The following ABLIM2 variants were observed in gnomAD, a reference collection of about 807,000 sequenced individuals.
The protein encoded by ABLIM2 is actin-binding LIM protein 2.
A neutral mutation model predicts 97.7 loss-of-function variants in ABLIM2; 53 were observed. The ratio of observed to expected loss-of-function variants is 0.54; its 90% CI spans 0.44 to 0.68. The LOEUF (loss-of-function observed/expected upper bound fraction) is 0.68. Among genes scored for constraint, ABLIM2 ranks in the 30% least tolerant of loss-of-function variants. The probability of loss-of-function intolerance (pLI) is 0.00; values close to 1 mark genes in which losing one functional copy is unlikely to be tolerated. For missense variants in ABLIM2, 835 were observed against 867.2 expected (o/e 0.96, Z 0.47); for synonymous variants, 361 against 345.8 (o/e 1.04, Z -0.49).
chr4:8,080,603 T>C (rs1819167813), intron 5 of ABLIM2, 73 bp downstream of exon 5: 1 of 1,447,946 alleles, frequency 6.9e-7, no homozygotes, highest in Admixed American at 2.4e-5. Flanking sequence ...TGGGGACACG[T>C]GCAGAGTGTG....
chr4:8,071,856 C>G lies in ABLIM2; in HGVS notation c.675+5772G>C. The stretch of plus-strand genomic sequence containing the variant: ...GAACGTGTGCCTGCGAGGGTGGACA[C>G]CCTCACCTTCAGCCAACAGTCTGTC... On this transcript the variant is annotated intron_variant, in intron 6 of 20. Coordinates refer to ENST00000447017, the MANE Select transcript of ABLIM2 (RefSeq NM_001130083.2). This position sits in a 1 kb window ranked among gnomAD's most constrained non-coding sequence, Gnocchi z 6.2. 1 of 985,460 alleles carries G rather than the reference C, an allele frequency of 1.0e-6. No individual in the cohort carries two copies. The highest frequency in any genetic ancestry group is 1.7e-5 in the African/African-American group (1 of 57,338). 61.0% of individuals were successfully genotyped at this position (985,460 alleles called of 1,614,324 possible).
In ABLIM2 at chr4:7,973,043, C is replaced by G. The variant is rs182797678; in HGVS notation, c.1825-5940G>C. Among the ~76,000 whole-genome samples the G allele has an allele frequency of 1.6e-3, 238 of 147,028 alleles. 2 individuals carry two copies. Among genetic ancestry groups the G allele is most frequent in the African/African-American group, 5.6e-3 (225 of 39,900 alleles). On this transcript the variant is annotated intron_variant, in intron 20 of 20. Coordinates refer to ENST00000447017, the MANE Select transcript of ABLIM2 (RefSeq NM_001130083.2). Reference sequence around the variant, plus strand: ...CCTGGAAGACGACAGTTCAAGAAACCACAGGACTCCAGCAATGAGCTGCTC... The same window carrying G: ...CCTGGAAGACGACAGTTCAAGAAACGACAGGACTCCAGCAATGAGCTGCTC...
chr4:8,037,405 A>G (rs1167764738), intron 9 of ABLIM2, among the ~76,000 whole-genome samples: 1 of 151,954 alleles, frequency 6.6e-6, no homozygotes, highest in Non-Finnish European at 1.5e-5. Flanking sequence ...CACACAGAGA[A>G]CATGCCTGTC....
In ABLIM2 at chr4:8,158,661, C is replaced by T; in HGVS notation, c.10+19G>A. 1 of 1,503,926 alleles carries T rather than the reference C, an allele frequency of 6.6e-7. No homozygotes were observed. 93.2% of individuals were successfully genotyped at this position (1,503,926 alleles called of 1,614,324 possible). Reference sequence around the variant, plus strand: ...AGCCAGCGCGGGGACCCGTTGGTCCCTCGGTCCCCAGCACCCACCTGCACT... The same window carrying T: ...AGCCAGCGCGGGGACCCGTTGGTCCTTCGGTCCCCAGCACCCACCTGCACT... On this transcript the variant is annotated intron_variant, in intron 1 of 20. Transcript: ENST00000447017.
At chr4:8,097,032 G>A in intron 3 of ABLIM2, 67 bp downstream of exon 3, 1 of 1,505,254 alleles carries the variant, frequency 6.6e-7, no homozygotes. Context: ...AGAAGGGAAG[G>A]GAGGGAGGGA....
intron 17 of ABLIM2, among the ~76,000 whole-genome samples, chr4:7,991,740 A>G (rs1158431672): frequency 4.6e-5 from 7 of 152,168 alleles, no homozygotes; most frequent in Non-Finnish European, 1.0e-4. Flanking sequence ...AACCATGCAG[A>G]GGTGCCTGGG....
intron 1 of ABLIM2, among the ~76,000 whole-genome samples, chr4:8,146,254 A>G (rs1851782548): frequency 6.6e-6 from 1 of 152,214 alleles, no homozygotes; most frequent in Admixed American, 6.5e-5. Context: ...TTTGGTGGTC[A>G]AAATCCTTTC....
Position 8,060,986 on chromosome 4 carries a change from G to A in ABLIM2, c.744C>T (p.Gly248=), listed in dbSNP as rs781450672. The part of the protein sequence containing the change: ...CVRCGQMFAE[G]EEMYLQGSSI... ...TTGTACCTTGAAGATACATCTCTTCGCCTTCTGCAAACATCTGGCCGCACC... is the reference window on the plus strand; with the variant it reads ...TTGTACCTTGAAGATACATCTCTTCACCTTCTGCAAACATCTGGCCGCACC... The change falls in exon 7 of 21, where the codon GGC becomes GGT. Residue 248 remains glycine, a synonymous_variant. Coordinates refer to ENST00000447017, the MANE Select transcript of ABLIM2 (RefSeq NM_001130083.2). 2.5e-6 allele frequency: 4 copies of A among 1,594,870 alleles called. No homozygotes were observed. The highest frequency in any genetic ancestry group is 3.4e-6 in the Non-Finnish European group (4 of 1,170,642).
rs1346408054 is a variant in ABLIM2 at position 8,106,640 on chromosome 4, G to A, written c.11-3C>T. 14 of 1,603,938 alleles carry A rather than the reference G, an allele frequency of 8.7e-6. No homozygotes were observed. The highest frequency in any genetic ancestry group is 1.1e-5 in the Non-Finnish European group (13 of 1,175,064). ...GGGAGCAGCCTGGGGCTGCGACACTGTTGGGAAAGAGAGAAGAGCAGCGTT... is the reference window on the plus strand; with the variant it reads ...GGGAGCAGCCTGGGGCTGCGACACTATTGGGAAAGAGAGAAGAGCAGCGTT... On this transcript the variant is annotated splice_polypyrimidine_tract_variant and splice_region_variant and intron_variant, in intron 1 of 20. Coordinates refer to ENST00000447017, the MANE Select transcript of ABLIM2 (RefSeq NM_001130083.2).
chr4:8,141,931 C>G (rs986692768), intron 1 of ABLIM2, among the ~76,000 whole-genome samples: 3 of 152,144 alleles, frequency 2.0e-5, no homozygotes, highest in African/African-American at 7.2e-5. Flanking sequence ...GGGGGAGGGC[C>G]CCCCCAGCTC....
At chr4:8,136,928 CACA>C (rs1850272753) in intron 1 of ABLIM2, among the ~76,000 whole-genome samples, 1 of 152,198 alleles carries the variant, frequency 6.6e-6, no homozygotes, top group African/African-American at 2.4e-5. Context: ...AATCCTAACT[CACA>C]AGGCAATGTA....
intron 4 of ABLIM2, 61 bp downstream of exon 4, chr4:8,088,108 A>C (rs1577485395): frequency 2.6e-5 from 7 of 270,988 alleles, no homozygotes; most frequent in Non-Finnish European, 4.2e-5. Flanking sequence ...ATACCCACCC[A>C]TTTAGCACCC....
intron 14 of ABLIM2, among the ~76,000 whole-genome samples, chr4:8,011,664 A>T (rs1370841890): frequency 6.6e-6 from 1 of 152,262 alleles, no homozygotes; most frequent in African/African-American, 2.4e-5. Flanking sequence ...GGGATGTCAG[A>T]AAAAGATCAA....
intron 1 of ABLIM2, among the ~76,000 whole-genome samples, chr4:8,109,693 C>T (rs528359690): frequency 8.5e-5 from 13 of 152,268 alleles, no homozygotes; most frequent in Admixed American, 2.6e-4. Flanking sequence ...AGACCAAGGG[C>T]GGTGGGTATC....
At chr4:8,016,763 C>T (rs992328736) in intron 14 of ABLIM2, among the ~76,000 whole-genome samples, 3 of 152,206 alleles carry the variant, frequency 2.0e-5, no homozygotes, top group African/African-American at 7.2e-5. Context: ...AAGATGCTCT[C>T]CACAGAACAC....
chr4:8,096,978 C>A, intron 3 of ABLIM2, 121 bp downstream of exon 3: 1 of 1,258,872 alleles, frequency 7.9e-7, no homozygotes, highest in African/African-American at 1.5e-5. Flanking sequence ...GGAACAGCCT[C>A]GCTGCAGGAT....
At chr4:7,997,261 A>G (rs1560496916) in intron 16 of ABLIM2, among the ~76,000 whole-genome samples, 2 of 152,150 alleles carry the variant, frequency 1.3e-5, no homozygotes, top group Admixed American at 6.6e-5. Flanking sequence ...TAGTAGAGAC[A>G]GGGTTTCACC....
intron 10 of ABLIM2, among the ~76,000 whole-genome samples, chr4:8,030,642 A>G (rs898652926): frequency 4.6e-5 from 7 of 151,864 alleles, no homozygotes; most frequent in Admixed American, 3.3e-4. Flanking sequence ...CCTGCGCTTC[A>G]CCCTGCTCCC....
intron 14 of ABLIM2, among the ~76,000 whole-genome samples, chr4:8,018,797 A>C (rs906227724): frequency 6.6e-6 from 1 of 152,208 alleles, no homozygotes; most frequent in African/African-American, 2.4e-5. Flanking sequence ...ATCGCTAGTG[A>C]CTTGATACAA....
Sources: gnomAD v4.1 joint callset for allele counts (sites outside exome capture counted in the v4.1 genomes callset) on GRCh38, gnomAD v4.1.1 for gene constraint, Gnocchi (gnomAD v3.1) non-coding constraint, MANE v1.5 for transcripts, NCBI Gene and HGNC (gene_info 2026-07-23, HGNC 2026-07-21) for gene names.